Variants in SVEP1 observed in about 807,000 individuals in gnomAD.
The protein encoded by SVEP1 is sushi, von Willebrand factor type A, EGF and pentraxin domain containing 1.
A neutral mutation model predicts 367.3 loss-of-function variants in SVEP1; 164 were observed. That is an observed-to-expected ratio of 0.45 (90% CI 0.39 to 0.51). SVEP1 has a LOEUF of 0.51. Among genes scored for constraint, SVEP1 ranks in the 20% least tolerant of loss-of-function variants. The pLI is 0.00. For synonymous variants in SVEP1, 1,666 were observed against 1,611.6 expected, an observed-to-expected ratio of 1.03 and a Z score of -0.81; for missense variants, 4,117 against 4,425.3, an observed-to-expected ratio of 0.93 and a Z score of 1.98.
At chr9:110,477,396 C>T (rs1026970910) in intron 13 of SVEP1, among the ~76,000 whole-genome samples, 1 of 152,142 alleles carries the variant, frequency 6.6e-6, no homozygotes, top group African/African-American at 2.4e-5. Context: ...TTAAATTAAT[C>T]GTTCTGCTTC....
At chr9:110,550,646 T>C (rs1029102625) in intron 1 of SVEP1, among the ~76,000 whole-genome samples, 7 of 152,134 alleles carry the variant, frequency 4.6e-5, no homozygotes, top group Non-Finnish European at 1.0e-4. Context: ...CCTATATTTG[T>C]TTTTCCACTT....
chr9:110,390,341 T>TTATATATACTTATATAAGTATA lies in SVEP1; in HGVS notation c.9823-755_9823-754insTATACTTATATAAGTATATATA. On this transcript the variant is annotated intron_variant, in intron 40 of 47. Coordinates refer to ENST00000374469, the MANE Select transcript of SVEP1 (RefSeq NM_153366.4). Reference sequence around the variant, plus strand: ...TATATATACTTATATATACACATACTTATATACACTTATATATATATACTT... The same window carrying TTATATATACTTATATAAGTATA: ...TATATATACTTATATATACACATACTTATATATACTTATATAAGTATATATATACACTTATATATATATACTT... 9.9e-5 allele frequency among the ~76,000 whole-genome samples: 3 copies of TTATATATACTTATATAAGTATA among 30,424 alleles called. 1 individual carries two copies. The highest frequency in any genetic ancestry group is 9.1e-4 in the Admixed American group (3 of 3,296). 20.0% of individuals were successfully genotyped at this position (30,424 alleles called of 152,430 possible). A position where few individuals can be genotyped will look rare whatever the true frequency, so the allele number is the denominator to read the frequency against.
At position 110,469,045 on chromosome 9, in the gene SVEP1, G is replaced by A. The variant is rs745712315; in HGVS notation, c.3055C>T (p.Arg1019Trp). 19 of 1,613,636 alleles carry A rather than the reference G, an allele frequency of 1.2e-5. No homozygotes were observed. The highest frequency in any genetic ancestry group is 4.5e-5 in the East Asian group (2 of 44,882). Reference sequence around the variant, plus strand: ...TCTTCATCTTGATAGGATCCGATCCGGCAGCTTTCACAGGTGAAATGTTCC... The same window carrying A: ...TCTTCATCTTGATAGGATCCGATCCAGCAGCTTTCACAGGTGAAATGTTCC... ...NLEHFTCESC[R>W]IGSYQDEEGQ... The change falls in exon 17 of 48, where the codon CGG becomes TGG. Residue 1019 changes from arginine (R) to tryptophan (W), a missense_variant. Around this residue, in one of 4 missense-constraint regions of SVEP1, gnomAD observed 2,174 missense variants for 2,494.3 expected, o/e 0.87. Transcript: ENST00000374469.
intron 39 of SVEP1, among the ~76,000 whole-genome samples, chr9:110,403,297 T>TTTTTTTTTTTTG (rs1827894466): frequency 2.0e-4 from 6 of 30,300 alleles, no homozygotes; most frequent in East Asian, 8.4e-4. Flanking sequence ...GCCACCGCCG[T>TTTTTTTTTTTTG]TTTTTTTTTT....
intron 1 of SVEP1, among the ~76,000 whole-genome samples, chr9:110,553,596 C>T (rs1355266147): frequency 1.3e-5 from 2 of 152,094 alleles, no homozygotes; most frequent in Non-Finnish European, 2.9e-5. Context: ...TCACTTTAAC[C>T]CCTCTGCGAC....
chr9:110,405,743 G>C (rs1827944098), intron 38 of SVEP1, among the ~76,000 whole-genome samples: 1 of 152,126 alleles, frequency 6.6e-6, no homozygotes, highest in Admixed American at 6.6e-5. Context: ...GCATGATCAT[G>C]GCCTGAATTC....
At chr9:110,425,820 T>G (rs1828245246) in intron 36 of SVEP1, among the ~76,000 whole-genome samples, 1 of 152,162 alleles carries the variant, frequency 6.6e-6, no homozygotes, top group Admixed American at 6.5e-5. Context: ...CAAATATACA[T>G]GCAAAGACAA....
At chr9:110,374,075 G>A (rs1827315489) in intron 46 of SVEP1, among the ~76,000 whole-genome samples, 1 of 152,086 alleles carries the variant, frequency 6.6e-6, no homozygotes, top group African/African-American at 2.4e-5. Flanking sequence ...ATGGGAGTTT[G>A]TTGTACAGAT....
intron 40 of SVEP1, among the ~76,000 whole-genome samples, chr9:110,396,433 A>AAAG (rs1564129884): frequency 8.5e-5 from 13 of 152,328 alleles, no homozygotes. Flanking sequence ...ATCACAACTA[A>AAAG]AAGAACTAGA....
At chr9:110,532,131 T>C (rs1564169305) in intron 3 of SVEP1, among the ~76,000 whole-genome samples, 1 of 152,144 alleles carries the variant, frequency 6.6e-6, no homozygotes, top group East Asian at 1.9e-4. Context: ...TACTCCTTCA[T>C]TCATTCACCA....
In SVEP1 at chr9:110,408,320, G is replaced by A. The variant is rs1363908177; in HGVS notation, c.7280C>T (p.Thr2427Ile). 6.2e-7 allele frequency: 1 copy of A among 1,613,948 alleles called. No individual in the cohort carries two copies. The highest frequency in any genetic ancestry group is 8.5e-7 in the Non-Finnish European group (1 of 1,179,882). The change falls in exon 38 of 48, where the codon ACC becomes ATC. Residue 2427 changes from threonine to isoleucine, a missense_variant. By Grantham distance (89) the Thr-to-Ile change is moderately conservative. Coordinates refer to ENST00000374469, the MANE Select transcript of SVEP1 (RefSeq NM_153366.4). The part of the protein sequence containing the change: ...NSTTLCQPDG[T>I]WSSPLPECVP... ...ACATTCTGGCAGTGGAGAGCTCCAG[G>A]TGCCATCAGGTTGGCAGAGGGTGGT...
chr9:110,377,537 T>G (rs1214666670), intron 44 of SVEP1, among the ~76,000 whole-genome samples, 171 bp from the exon 45 acceptor site: 3 of 152,176 alleles, frequency 2.0e-5, no homozygotes, highest in Non-Finnish European at 4.4e-5. Flanking sequence ...AGTACAGCAT[T>G]TTATTGGCTG....
At chr9:110,512,616 T>C (rs1829737217) in intron 5 of SVEP1, among the ~76,000 whole-genome samples, 1 of 152,206 alleles carries the variant, frequency 6.6e-6, no homozygotes, top group African/African-American at 2.4e-5. Flanking sequence ...ACTCTGATTA[T>C]TCTAAACTCT....
At chr9:110,454,286 G>A (rs1828743155) in intron 22 of SVEP1, among the ~76,000 whole-genome samples, 1 of 152,110 alleles carries the variant, frequency 6.6e-6, no homozygotes, top group Non-Finnish European at 1.5e-5. Context: ...CCTTTGCCAA[G>A]GCCAATGTCA....
intron 40 of SVEP1, among the ~76,000 whole-genome samples, chr9:110,400,295 T>G (rs1827837645): frequency 6.6e-6 from 1 of 152,218 alleles, no homozygotes; most frequent in Admixed American, 6.5e-5. Context: ...TCACAGCATC[T>G]GTCTTGTGGT....
At chr9:110,434,094 T>C (rs1450976439) in intron 30 of SVEP1, among the ~76,000 whole-genome samples, 1 of 152,222 alleles carries the variant, frequency 6.6e-6, no homozygotes, top group Non-Finnish European at 1.5e-5. Context: ...AGGGTGTGTC[T>C]TTCCAACCCT....
chr9:110,446,034 C>T lies in SVEP1; in HGVS notation c.4266G>A (p.Gln1422=), dbSNP rs556706196. The part of the protein sequence containing the change: ...GFSGKRCETE[Q]STGFNLDFEV... ...CAAAATCCAGGTTAAAGCCTGTAGA[C>T]TGTTCTGCAATGAATAAGAAAAGTG... The change falls in exon 26 of 48, where the codon CAG becomes CAA. Residue 1422 remains glutamine, a synonymous_variant. Coordinates refer to ENST00000374469, the MANE Select transcript of SVEP1 (RefSeq NM_153366.4). 6.2e-7 allele frequency: 1 copy of T among 1,608,042 alleles called. No individual in the cohort carries two copies. The highest frequency in any genetic ancestry group is 8.5e-7 in the Non-Finnish European group (1 of 1,176,790).
chr9:110,435,253 T>C lies in SVEP1; in HGVS notation c.4876A>G (p.Ile1626Val), dbSNP rs151157223. Residue 1626 changes from isoleucine to valine, a missense_variant, in exon 29 of 48, where the codon ATA (isoleucine) becomes GTA (valine). By Grantham distance (29) the Ile-to-Val change is conservative. This residue lies in a region of SVEP1 where 2,174 missense variants were observed against 2,494.3 expected (regional missense o/e 0.87). Coordinates refer to ENST00000374469, the MANE Select transcript of SVEP1 (RefSeq NM_153366.4). ...AGGAAATTCTCACCAGAACAAAATATGCTCTTAGAATCGATCTTCACTTTC... is the reference window on the plus strand; with the variant it reads ...AGGAAATTCTCACCAGAACAAAATACGCTCTTAGAATCGATCTTCACTTTC... ...VGKVKIDSKS[I>V]FCSDCPRLGG... 3.8e-4 allele frequency: 616 copies of C among 1,612,996 alleles called. 2 individuals carry two copies. In the Middle Eastern group the frequency reaches 6.9e-3, roughly 18 times the overall value.
At chr9:110,545,166 T>C (rs1012970664) in intron 3 of SVEP1, among the ~76,000 whole-genome samples, 3 of 152,344 alleles carry the variant, frequency 2.0e-5, no homozygotes, top group East Asian at 3.9e-4. Context: ...TGTTCTTCCA[T>C]TGAATAGACC....
Sources: allele counts gnomAD v4.1 joint callset (sites outside exome capture counted in the v4.1 genomes callset), GRCh38; gene constraint gnomAD v4.1.1; regional missense constraint gnomAD v4.1.1; transcripts MANE v1.5; gene names NCBI Gene and HGNC (gene_info 2026-07-23, HGNC 2026-07-21).